The following SEC11A variants were observed in gnomAD, a reference collection of about 807,000 sequenced individuals.
The protein encoded by SEC11A is SEC11 homolog A, signal peptidase complex subunit.
Under a neutral mutation model 25.6 loss-of-function variants are expected in SEC11A, and 14 were observed. The ratio of observed to expected loss-of-function variants is 0.55; its 90% CI spans 0.36 to 0.85. SEC11A has a LOEUF of 0.85. Ranked by LOEUF, SEC11A falls within the 40% of genes least tolerant of loss-of-function variation. The pLI is 0.01. For synonymous variants in SEC11A, 83 were observed against 76.4 expected (o/e 1.09, Z -0.45); for missense variants, 153 against 222.9 (o/e 0.69, Z 2.00).
chr15:84,675,615 T>G (rs1314398584), intron 4 of SEC11A, among the ~76,000 whole-genome samples: 1 of 152,208 alleles, frequency 6.6e-6, no homozygotes, highest in Non-Finnish European at 1.5e-5. Context: ...AGAGCTCAAT[T>G]ACTCTACTCC....
chr15:84,699,455 G>A (rs539062126), intron 1 of SEC11A, among the ~76,000 whole-genome samples: 2 of 152,062 alleles, frequency 1.3e-5, no homozygotes, highest in South Asian at 4.1e-4. Context: ...AAGGGTTTTC[G>A]GACATTGGCT....
chr15:84,681,592 T>C (rs1050426481), intron 3 of SEC11A, among the ~76,000 whole-genome samples: 1 of 152,044 alleles, frequency 6.6e-6, no homozygotes, highest in African/African-American at 2.4e-5. Context: ...ATCACGCCAC[T>C]GCACTCAAGC....
chr15:84,681,247 T>A (rs893798014), intron 3 of SEC11A, among the ~76,000 whole-genome samples: 5 of 152,074 alleles, frequency 3.3e-5, no homozygotes, highest in African/African-American at 1.2e-4. Context: ...ATTGGCAAGA[T>A]ACAGACTATG....
chr15:84,691,698 G>A (rs1429381314), intron 1 of SEC11A, 54 bp from the exon 2 acceptor site: 2 of 968,738 alleles, frequency 2.1e-6, no homozygotes, highest in Non-Finnish European at 3.3e-6. Context: ...ACTTCGGAAA[G>A]CAACTGAAAG....
chr15:84,678,811 A>G (rs1897207813), intron 4 of SEC11A, among the ~76,000 whole-genome samples: 1 of 152,042 alleles, frequency 6.6e-6, no homozygotes, highest in Admixed American at 6.6e-5. Flanking sequence ...TGGGCAACAT[A>G]TCGAGACCCC....
chr15:84,680,689 T>G (rs1315554386), intron 4 of SEC11A, 24 bp downstream of exon 4: 20 of 1,567,054 alleles, frequency 1.3e-5, no homozygotes, highest in East Asian at 4.5e-5. Flanking sequence ...ATAAAAAGTT[T>G]GAGATGCTCC....
chr15:84,692,088 G>A (rs1472092101), intron 1 of SEC11A: 3 of 142,602 alleles, frequency 2.1e-5, no homozygotes, highest in African/African-American at 8.0e-5. Flanking sequence ...GGAGTACAGT[G>A]GTGCCATCTC....
chr15:84,705,274 A>G (rs1490308572), intron 1 of SEC11A, among the ~76,000 whole-genome samples: 3 of 152,138 alleles, frequency 2.0e-5, no homozygotes, highest in African/African-American at 7.2e-5. Flanking sequence ...TTTAGTAGTT[A>G]ACAGTTACTT....
At chr15:84,708,133 C>T in intron 1 of SEC11A, among the ~76,000 whole-genome samples, 1 of 150,072 alleles carries the variant, frequency 6.7e-6, no homozygotes. Flanking sequence ...ATTGCTTGAA[C>T]CCAGGAGGCA....
At chr15:84,696,819 T>G (rs1897781213) in intron 1 of SEC11A, among the ~76,000 whole-genome samples, 1 of 152,188 alleles carries the variant, frequency 6.6e-6, no homozygotes, top group Non-Finnish European at 1.5e-5. Flanking sequence ...ATTTCCATTT[T>G]CAAAAGGGCT....
chr15:84,700,676 G>A (rs1009126175), intron 1 of SEC11A, among the ~76,000 whole-genome samples: 1 of 139,324 alleles, frequency 7.2e-6, no homozygotes, highest in Non-Finnish European at 1.5e-5. Context: ...GTAGAGATGT[G>A]GATGATAGAA....
intron 3 of SEC11A, 27 bp from the exon 4 acceptor site, chr15:84,680,859 C>A: frequency 6.3e-7 from 1 of 1,577,788 alleles, no homozygotes; most frequent in Non-Finnish European, 8.6e-7. Context: ...AAACCCAAGT[C>A]ATCAAATACC....
chr15:84,708,996 A>C (rs920020111), intron 1 of SEC11A, among the ~76,000 whole-genome samples: 1 of 152,050 alleles, frequency 6.6e-6, no homozygotes, highest in African/African-American at 2.4e-5. Context: ...CAAGCAATAT[A>C]AGTGGCCTGC....
intron 1 of SEC11A, among the ~76,000 whole-genome samples, chr15:84,713,505 C>G (rs1202661508): frequency 6.6e-6 from 1 of 152,140 alleles, no homozygotes; most frequent in Non-Finnish European, 1.5e-5. Context: ...TCCCTCACCC[C>G]ATGTTATCCA....
chr15:84,702,701 C>A (rs1897983811), intron 1 of SEC11A, among the ~76,000 whole-genome samples: 1 of 152,054 alleles, frequency 6.6e-6, no homozygotes, highest in African/African-American at 2.4e-5. Flanking sequence ...AAAATTCACT[C>A]AAGAAGAAAT....
At chr15:84,697,784 T>C (rs1003594620) in intron 1 of SEC11A, among the ~76,000 whole-genome samples, 1 of 152,222 alleles carries the variant, frequency 6.6e-6, no homozygotes, top group Non-Finnish European at 1.5e-5. Flanking sequence ...AGGTGGCAGC[T>C]ACCTAACCTC....
At chr15:84,715,984 G>C in intron 1 of SEC11A, 41 bp downstream of exon 1, 11 of 1,601,690 alleles carry the variant, frequency 6.9e-6, no homozygotes, top group Non-Finnish European at 9.4e-6. Context: ...GCCTCGAAGG[G>C]ACAAGAAGAG....
chr15:84,695,088 TAAAAAAAAA>T (rs55789527), intron 1 of SEC11A, among the ~76,000 whole-genome samples: 141 of 26,950 alleles, frequency 5.2e-3, no homozygotes, highest in African/African-American at 0.031. Context: ...AGACTCCATC[TAAAAAAAAA>T]AAAAAAAAAA....
At chr15:84,677,419 T>C (rs1016362149) in intron 4 of SEC11A, among the ~76,000 whole-genome samples, 2 of 151,932 alleles carry the variant, frequency 1.3e-5, no homozygotes. Context: ...CTATAGTTTC[T>C]ATGTTGGGAT....
Sources: gnomAD v4.1 joint callset for allele counts (sites outside exome capture counted in the v4.1 genomes callset) on GRCh38, gnomAD v4.1.1 for gene constraint, MANE v1.5 for transcripts, NCBI Gene and HGNC (gene_info 2026-07-23, HGNC 2026-07-21) for gene names.